Variants in LMX1A observed in about 807,000 individuals in gnomAD.
The protein encoded by LMX1A is LIM homeobox transcription factor 1-alpha.
LMX1A carries 15 observed loss-of-function variants against 49.1 expected under a neutral mutation model. The observed-to-expected ratio is 0.31, with a 90% CI of 0.20 to 0.47. The LOEUF is 0.47. Among genes scored for constraint, LMX1A ranks in the 20% least tolerant of loss-of-function variants. The probability of loss-of-function intolerance (pLI) is 1.00; values close to 1 mark genes in which losing one functional copy is unlikely to be tolerated. For missense variants in LMX1A, 372 were observed against 475.8 expected (o/e 0.78, Z 2.03); for synonymous variants, 167 against 185.7 (o/e 0.90, Z 0.82).
intron 4 of LMX1A, among the ~76,000 whole-genome samples, chr1:165,224,104 T>C (rs79244287): frequency 0.099 from 15,091 of 152,272 alleles, 1,004 homozygotes; most frequent in Non-Finnish European, 0.15. Context: ...GTCATGATGA[T>C]AGTGAGTCCT....
At chr1:165,235,870 T>C (rs1274370150) in intron 4 of LMX1A, among the ~76,000 whole-genome samples, 1 of 152,222 alleles carries the variant, frequency 6.6e-6, no homozygotes, top group African/African-American at 2.4e-5. Context: ...CCGGGCTCTT[T>C]ATCTGCATTT....
chr1:165,282,365 G>A (rs760233434), intron 3 of LMX1A, among the ~76,000 whole-genome samples: 9 of 152,164 alleles, frequency 5.9e-5, no homozygotes, highest in Non-Finnish European at 1.2e-4. Flanking sequence ...ATAAAATGTA[G>A]TATGTGCATG....
rs1652151438 is a variant in LMX1A at position 165,229,095 on chromosome 1, AAT to A, written c.497-15284_497-15283del. ...AATATCAGCTGCCTTTAATTTATAA[AAT>A]ATGTCATTATTTTATGGACCACCAA... On this transcript the variant is annotated intron_variant, in intron 4 of 8. Coordinates refer to ENST00000342310, the MANE Select transcript of LMX1A (RefSeq NM_177398.4). Among the ~76,000 whole-genome samples, 7 of 152,122 alleles carry A rather than the reference AAT, an allele frequency of 4.6e-5. No individual in the cohort carries two copies. In the South Asian group the frequency reaches 1.5e-3, roughly 32 times the overall value.
intron 3 of LMX1A, among the ~76,000 whole-genome samples, chr1:165,292,934 T>C (rs917545710): frequency 2.0e-5 from 3 of 151,996 alleles, no homozygotes; most frequent in Non-Finnish European, 4.4e-5. Flanking sequence ...CTGGCAAACA[T>C]AGTGAAACCA....
intron 3 of LMX1A, among the ~76,000 whole-genome samples, chr1:165,340,494 C>T (rs1016350637): frequency 6.6e-6 from 1 of 152,184 alleles, no homozygotes; most frequent in African/African-American, 2.4e-5. Flanking sequence ...GATGTTCTCC[C>T]CTGCCTCTGT....
intron 3 of LMX1A, among the ~76,000 whole-genome samples, chr1:165,325,576 A>C (rs1655552894): frequency 6.6e-6 from 1 of 152,142 alleles, no homozygotes; most frequent in Admixed American, 6.5e-5. Context: ...ATGAGAGAGA[A>C]CAGAGCATCC....
chr1:165,220,028 T>C (rs1212257619), intron 4 of LMX1A, among the ~76,000 whole-genome samples: 5 of 152,294 alleles, frequency 3.3e-5, no homozygotes, highest in South Asian at 4.1e-4. Flanking sequence ...GGGCACTTTA[T>C]GCCAAGGGCA....
intron 3 of LMX1A, among the ~76,000 whole-genome samples, chr1:165,296,974 G>C (rs1481828373): frequency 6.6e-6 from 1 of 152,224 alleles, no homozygotes; most frequent in African/African-American, 2.4e-5. Context: ...TGTACAGGAA[G>C]GTCCGCAAAC....
chr1:165,211,036 G>T, intron 5 of LMX1A: 1 of 349,424 alleles, frequency 2.9e-6, no homozygotes, highest in Non-Finnish European at 5.1e-6. Flanking sequence ...GATTTCTCTT[G>T]CTCTGGAAAT....
Position 165,355,610 on chromosome 1 carries a change from A to C in LMX1A, c.-22-29T>G, listed in dbSNP as rs1571241410. ...TAGAGGAGAAGAAACGATGCGTCTG[A>C]CGTCCGTGCCCGCTGGGACTCGGCG... On this transcript the variant is annotated intron_variant, in intron 1 of 8. Coordinates refer to ENST00000342310, the MANE Select transcript of LMX1A (RefSeq NM_177398.4). This position sits in a 1 kb window ranked among gnomAD's most constrained non-coding sequence, Gnocchi z 4.7. The C allele has an allele frequency of 6.4e-7, 1 of 1,565,448 alleles. No individual in the cohort carries two copies. Among genetic ancestry groups the C allele is most frequent in the Non-Finnish European group, 8.8e-7 (1 of 1,142,164 alleles).
rs954173334 is a variant in LMX1A at position 165,231,190 on chromosome 1, C to T, written c.497-17377G>A. On this transcript the variant is annotated intron_variant, in intron 4 of 8. Coordinates refer to ENST00000342310, the MANE Select transcript of LMX1A (RefSeq NM_177398.4). ...TTAACAAAGCAATTGCTTTATATAA[C>T]TGCACATGTAGAAAGTATAAGAGAT... is the stretch of plus-strand genomic sequence containing the variant. 2.6e-5 allele frequency among the ~76,000 whole-genome samples: 4 copies of T among 151,986 alleles called. No homozygotes were observed. In the East Asian group the frequency reaches 7.7e-4, roughly 29 times the overall value.
intron 3 of LMX1A, among the ~76,000 whole-genome samples, chr1:165,254,057 C>T (rs920990676): frequency 3.3e-5 from 5 of 152,070 alleles, no homozygotes; most frequent in African/African-American, 1.2e-4. Flanking sequence ...CCCTTTGTCC[C>T]CAAGCTCTCC....
chr1:165,293,127 C>A lies in LMX1A; in HGVS notation c.264-43487G>T, dbSNP rs537258700. ...AGAGACTCCATCTCAAAAAAAAAAA[C>A]AAAACAAAACAAAACAAAAAAAAAA... On this transcript the variant is annotated intron_variant, in intron 3 of 8. Coordinates refer to ENST00000342310, the MANE Select transcript of LMX1A (RefSeq NM_177398.4). Among the ~76,000 whole-genome samples, 248 of 148,852 alleles carry A rather than the reference C, an allele frequency of 1.7e-3. 3 individuals carry two copies. In the East Asian group the frequency reaches 0.02, roughly 12 times the overall value.
At chr1:165,205,577 G>A (rs1651041540) in intron 8 of LMX1A, among the ~76,000 whole-genome samples, 1 of 152,156 alleles carries the variant, frequency 6.6e-6, no homozygotes, top group Admixed American at 6.5e-5. Flanking sequence ...CGCAAGACTT[G>A]CAATTCAATG....
At chr1:165,292,836 G>A (rs1027430689) in intron 3 of LMX1A, among the ~76,000 whole-genome samples, 1 of 152,038 alleles carries the variant, frequency 6.6e-6, no homozygotes, top group African/African-American at 2.4e-5. Flanking sequence ...AACTTACTGG[G>A]GTCCAGGCGC....
At chr1:165,276,909 T>C (rs745405998) in intron 3 of LMX1A, among the ~76,000 whole-genome samples, 2 of 152,088 alleles carry the variant, frequency 1.3e-5, no homozygotes, top group Non-Finnish European at 2.9e-5. Flanking sequence ...CTTTGAACAG[T>C]AAAGAGATAC....
chr1:165,235,104 A>G (rs1396379826), intron 4 of LMX1A, among the ~76,000 whole-genome samples: 2 of 152,052 alleles, frequency 1.3e-5, no homozygotes, highest in African/African-American at 2.4e-5. Context: ...CCATTTATTT[A>G]CGCCCTTAGA....
At chr1:165,283,881 A>G (rs750454408) in intron 3 of LMX1A, among the ~76,000 whole-genome samples, 2 of 152,190 alleles carry the variant, frequency 1.3e-5, no homozygotes, top group African/African-American at 2.4e-5. Flanking sequence ...GCCATGTATC[A>G]CAAGCCTATG....
chr1:165,351,085 C>G (rs930040341), intron 3 of LMX1A, among the ~76,000 whole-genome samples: 2 of 152,220 alleles, frequency 1.3e-5, no homozygotes, highest in African/African-American at 2.4e-5. Context: ...GTTTCTTCTC[C>G]TCTTGACACA....
Sources: allele counts gnomAD v4.1 joint callset (sites outside exome capture counted in the v4.1 genomes callset), GRCh38; gene constraint gnomAD v4.1.1; non-coding constraint Gnocchi (gnomAD v3.1); transcripts MANE v1.5; gene names NCBI Gene and HGNC (gene_info 2026-07-23, HGNC 2026-07-21).